CHLSN: variants seen among roughly 807,000 people sequenced by gnomAD.
CHLSN encodes the protein cholesin.
At chr7:1,023,803 C>T in the CHLSN span, among the ~76,000 whole-genome samples, 5 of 152,188 alleles carry the variant, frequency 3.3e-5, no homozygotes, top group Non-Finnish European at 7.4e-5. The surrounding 1 kb of genome is among the most constrained non-coding windows in gnomAD (Gnocchi z 5.0). Context: ...GGAGCAGCGG[C>T]CCCTGCAGCC....
At chr7:1,036,291 T>G in the CHLSN span, among the ~76,000 whole-genome samples, 1 of 151,884 alleles carries the variant, frequency 6.6e-6, no homozygotes, top group Non-Finnish European at 1.5e-5. Context: ...CATGTAGGGT[T>G]CGGGTGCTCG....
chr7:1,077,989 G>T, the CHLSN span: 22 of 152,214 alleles, frequency 1.4e-4, no homozygotes, highest in Non-Finnish European at 2.5e-4. Context: ...ACAGTGGTGG[G>T]AAGTTTCTCT....
the CHLSN span, among the ~76,000 whole-genome samples, chr7:1,016,966 ACGCCAG>A: frequency 1.5e-5 from 2 of 136,002 alleles, no homozygotes; most frequent in African/African-American, 3.0e-5. Flanking sequence ...ACAGCAGCAC[ACGCCAG>A]CACACACCAG....
At chr7:986,530 G>C in the CHLSN span, 1 of 1,450,428 alleles carries the variant, frequency 6.9e-7, no homozygotes, top group Non-Finnish European at 9.5e-7. Flanking sequence ...AGAGTCCCTG[G>C]GCGTGAACAC....
At chr7:1,079,517 C>T in the CHLSN span, among the ~76,000 whole-genome samples, 817 of 151,936 alleles carry the variant, frequency 5.4e-3, 8 homozygotes, top group African/African-American at 0.019. Context: ...CAGCCTATAA[C>T]TACTTATCCA....
At chr7:1,124,906 C>G in the CHLSN span, among the ~76,000 whole-genome samples, 1 of 152,202 alleles carries the variant, frequency 6.6e-6, no homozygotes, top group Non-Finnish European at 1.5e-5. Context: ...AGGCCTCAGC[C>G]TCCGGGTGAC....
chr7:1,092,422 C>T, the CHLSN span: 2 of 1,608,566 alleles, frequency 1.2e-6, no homozygotes, highest in Non-Finnish European at 1.7e-6. Flanking sequence ...CATCATCGGC[C>T]TGTGCTACTC....
chr7:1,100,981 C>T, the CHLSN span, among the ~76,000 whole-genome samples: 3 of 152,192 alleles, frequency 2.0e-5, no homozygotes, highest in South Asian at 6.2e-4. Context: ...AAGGCCCTTC[C>T]ACCGCAGGCA....
the CHLSN span, among the ~76,000 whole-genome samples, chr7:1,049,735 A>G: frequency 6.6e-6 from 1 of 152,360 alleles, no homozygotes; most frequent in South Asian, 2.1e-4. Flanking sequence ...CCAGAGGTCA[A>G]GGCAGCGGCT....
the CHLSN span, among the ~76,000 whole-genome samples, chr7:1,019,022 C>T: frequency 6.6e-6 from 1 of 152,038 alleles, no homozygotes; most frequent in African/African-American, 2.4e-5. Flanking sequence ...TGGTGAAACC[C>T]CGTCTCTACT....
At chr7:1,014,519 G>C in the CHLSN span, among the ~76,000 whole-genome samples, 3 of 152,224 alleles carry the variant, frequency 2.0e-5, no homozygotes, top group African/African-American at 7.2e-5. Context: ...GCTCTTCCTG[G>C]AGATGTCCAA....
chr7:1,057,364 A>C, the CHLSN span: 1 of 594,662 alleles, frequency 1.7e-6, no homozygotes. Context: ...AAATGCACCA[A>C]AGGCAGCCTC....
chr7:1,017,011 A>C, the CHLSN span, among the ~76,000 whole-genome samples: 1 of 151,170 alleles, frequency 6.6e-6, no homozygotes, highest in South Asian at 2.1e-4. Context: ...AGCACACAGC[A>C]GCACACAGCA....
chr7:1,071,007 C>T, the CHLSN span, among the ~76,000 whole-genome samples: 269 of 149,954 alleles, frequency 1.8e-3, 1 homozygote, highest in African/African-American at 6.0e-3. Context: ...CGTGCACACG[C>T]ACATGCACAC....
At chr7:998,956 C>T in the CHLSN span, among the ~76,000 whole-genome samples, 18 of 152,210 alleles carry the variant, frequency 1.2e-4, 1 homozygote, top group East Asian at 5.8e-4. Context: ...CTGGGGGCTG[C>T]GTGCATTAAG....
chr7:1,052,681 C>G, the CHLSN span, among the ~76,000 whole-genome samples: 6 of 152,164 alleles, frequency 3.9e-5, no homozygotes, highest in East Asian at 5.8e-4. The surrounding 1 kb of genome is among the most constrained non-coding windows in gnomAD (Gnocchi z 4.2). Context: ...TCCCTGCTGG[C>G]TGAGGGTGCA....
chr7:1,016,740 AGC>A, the CHLSN span, among the ~76,000 whole-genome samples: 2 of 123,198 alleles, frequency 1.6e-5, no homozygotes, highest in Non-Finnish European at 1.6e-5. Context: ...AGCACACGCC[AGC>A]GCACAGCAGC....
chr7:1,058,152 G>A, the CHLSN span: 7 of 739,510 alleles, frequency 9.5e-6, no homozygotes, highest in African/African-American at 5.1e-5. Flanking sequence ...ACTCTCCCGC[G>A]TCCGCAGGGA....
At chr7:1,049,367 C>A in the CHLSN span, among the ~76,000 whole-genome samples, 1 of 152,238 alleles carries the variant, frequency 6.6e-6, no homozygotes, top group Non-Finnish European at 1.5e-5. Flanking sequence ...TTGTGCTTCA[C>A]ATGGGTTGGT....
Sources: gnomAD v4.1 joint callset for allele counts (sites outside exome capture counted in the v4.1 genomes callset) on GRCh38, gnomAD v4.1.1 for gene constraint, Gnocchi (gnomAD v3.1) non-coding constraint, MANE v1.5 for transcripts, NCBI Gene and HGNC (gene_info 2026-07-23, HGNC 2026-07-21) for gene names.